KCNMA1: variants seen among roughly 807,000 people sequenced by gnomAD.
The protein encoded by KCNMA1 is potassium calcium-activated channel subfamily M alpha 1, also known as Calcium-activated potassium channel subunit alpha-1.
A neutral mutation model predicts 140.0 loss-of-function variants in KCNMA1; 29 were observed. The observed-to-expected ratio is 0.21, with a 90% CI of 0.15 to 0.28. The LOEUF (loss-of-function observed/expected upper bound fraction) is 0.28. Ranked by LOEUF, KCNMA1 falls within the 10% of genes least tolerant of loss-of-function variation. KCNMA1 has a pLI of 1.00. For missense variants in KCNMA1, 880 were observed against 1,602.2 expected (o/e 0.55, Z 7.70); for synonymous variants, 612 against 611.9 (o/e 1.00, Z 0.00).
At chr10:77,082,006 TC>T (rs1475263972) in intron 12 of KCNMA1, among the ~76,000 whole-genome samples, 1,348 of 30,528 alleles carry the variant, frequency 0.044, 221 homozygotes, top group Non-Finnish European at 0.055. Flanking sequence ...TTTTTTCTTT[TC>T]TTTTTTTTTT....
At chr10:76,934,200 A>G (rs2059948129) in intron 23 of KCNMA1, among the ~76,000 whole-genome samples, 1 of 152,102 alleles carries the variant, frequency 6.6e-6, no homozygotes, top group Non-Finnish European at 1.5e-5. Context: ...TCAAACTCCC[A>G]ACCTCAGGTG....
chr10:77,058,043 T>C lies in KCNMA1; in HGVS notation c.1749+15054A>G, dbSNP rs184805816. Among the ~76,000 whole-genome samples, 7 of 150,842 alleles carry C rather than the reference T, an allele frequency of 4.6e-5. No individual in the cohort carries two copies. The East Asian group carries it at 1.2e-3, about 25-fold the overall frequency. On this transcript the variant is annotated intron_variant, in intron 14 of 27. Coordinates refer to ENST00000286628, the MANE Select transcript of KCNMA1 (RefSeq NM_001161352.2). Reference sequence around the variant, plus strand: ...AGATCACTTAAGTTTTAAAGATAGGTTTGGTTCAAACAAAAAAGAGGAGAA... The same window carrying C: ...AGATCACTTAAGTTTTAAAGATAGGCTTGGTTCAAACAAAAAAGAGGAGAA...
chr10:77,021,856 T>G (rs1266302281), intron 16 of KCNMA1, among the ~76,000 whole-genome samples: 1 of 152,142 alleles, frequency 6.6e-6, no homozygotes, highest in African/African-American at 2.4e-5. Context: ...CTTGAAATAA[T>G]GAAAGAAAGA....
chr10:76,987,713 A>G (rs1294278176), intron 19 of KCNMA1, among the ~76,000 whole-genome samples: 1 of 152,242 alleles, frequency 6.6e-6, no homozygotes, highest in African/African-American at 2.4e-5. Flanking sequence ...AAATGTGTAA[A>G]GTAATGAGAA....
At chr10:77,460,531 GCACACACA>G (rs59284219) in intron 1 of KCNMA1, among the ~76,000 whole-genome samples, 122 of 147,918 alleles carry the variant, frequency 8.2e-4, no homozygotes, top group South Asian at 6.2e-3. Flanking sequence ...GTACACACGT[GCACACACA>G]CACACACACA....
chr10:76,961,973 C>A (rs756195600), intron 20 of KCNMA1, among the ~76,000 whole-genome samples: 1 of 152,202 alleles, frequency 6.6e-6, no homozygotes, highest in Non-Finnish European at 1.5e-5. Context: ...TGCAAAAGAT[C>A]TTTGTTTTGA....
In KCNMA1 at chr10:77,099,468, A is replaced by C. The variant is rs545762448; in HGVS notation, c.1224-8958T>G. 1.3e-4 allele frequency among the ~76,000 whole-genome samples: 20 copies of C among 152,332 alleles called. 2 individuals carry two copies. In the East Asian group the frequency reaches 3.9e-3, roughly 29 times the overall value. Reference sequence around the variant, plus strand: ...TGTTAGTCACACAGGGACTGGAAGGAGCTACAGGTTAGAAGGCTGGCGGAT... The same window carrying C: ...TGTTAGTCACACAGGGACTGGAAGGCGCTACAGGTTAGAAGGCTGGCGGAT... On this transcript the variant is annotated intron_variant, in intron 9 of 27. Coordinates refer to ENST00000286628, the MANE Select transcript of KCNMA1 (RefSeq NM_001161352.2).
At position 77,072,994 on chromosome 10, in the gene KCNMA1, G is replaced by A. The variant is rs377415676; in HGVS notation, c.1749+103C>T. On this transcript the variant is annotated intron_variant, in intron 14 of 27. Coordinates refer to ENST00000286628, the MANE Select transcript of KCNMA1 (RefSeq NM_001161352.2). The stretch of plus-strand genomic sequence containing the variant: ...AAGGAATTTCTCCTTAACCCAAGTG[G>A]TTAGAGCCCGTCGATCTGTTTTGAG... The A allele has an allele frequency of 1.6e-4, 177 of 1,117,464 alleles. No individual in the cohort carries two copies. The East Asian group carries it at 3.8e-3, about 24-fold the overall frequency. The allele number at this position is 1,117,464 out of a possible 1,614,324, so 69.2% of individuals were successfully genotyped here. A position where few individuals can be genotyped will look rare whatever the true frequency, so the allele number is the denominator to read the frequency against.
chr10:77,614,928 G>A (rs2088785888), intron 1 of KCNMA1, among the ~76,000 whole-genome samples: 1 of 152,204 alleles, frequency 6.6e-6, no homozygotes, highest in Admixed American at 6.5e-5. Context: ...AATGCCTGTG[G>A]CAGAATAAGC....
chr10:77,136,069 C>CGATTTATT, intron 5 of KCNMA1, among the ~76,000 whole-genome samples: 1 of 152,208 alleles, frequency 6.6e-6, no homozygotes, highest in African/African-American at 2.4e-5. Flanking sequence ...TCTTATAATT[C>CGATTTATT]CATTGTGGAA....
intron 9 of KCNMA1, chr10:77,091,321 T>G (rs931297260): frequency 2.0e-5 from 3 of 152,314 alleles, no homozygotes; most frequent in Non-Finnish European, 4.4e-5. Context: ...TGGTTTGGAC[T>G]TCTGTTTCTG....
chr10:77,401,905 C>T (rs891189349), intron 2 of KCNMA1, among the ~76,000 whole-genome samples: 4 of 152,166 alleles, frequency 2.6e-5, no homozygotes, highest in Non-Finnish European at 5.9e-5. Context: ...TCCATGCATT[C>T]CTTCAATAAC....
chr10:76,981,138 G>T (rs2079295228), intron 19 of KCNMA1, among the ~76,000 whole-genome samples: 1 of 152,060 alleles, frequency 6.6e-6, no homozygotes, highest in African/African-American at 2.4e-5. Context: ...GCCACATTTG[G>T]ACATGGTGTA....
At chr10:77,431,178 A>G (rs2097144239) in intron 1 of KCNMA1, among the ~76,000 whole-genome samples, 1 of 152,206 alleles carries the variant, frequency 6.6e-6, no homozygotes, top group Non-Finnish European at 1.5e-5. Context: ...CCAGTTTCCT[A>G]TCATTCTAGG....
intron 1 of KCNMA1, among the ~76,000 whole-genome samples, chr10:77,472,661 C>A (rs2098191214): frequency 6.6e-6 from 1 of 152,188 alleles, no homozygotes; most frequent in Admixed American, 6.5e-5. Flanking sequence ...TCTGATTTTC[C>A]CACATCTAAA....
At chr10:77,383,238 G>A (rs140537367) in intron 2 of KCNMA1, among the ~76,000 whole-genome samples, 5 of 151,742 alleles carry the variant, frequency 3.3e-5, no homozygotes, top group African/African-American at 9.7e-5. Flanking sequence ...GGCAGACCTC[G>A]ATTAGTCTGA....
At chr10:77,245,834 C>T (rs1314332642) in intron 3 of KCNMA1, among the ~76,000 whole-genome samples, 1 of 152,092 alleles carries the variant, frequency 6.6e-6, no homozygotes, top group Non-Finnish European at 1.5e-5. Context: ...ATCAGCTCTC[C>T]TTGTTTTTTG....
chr10:77,530,550 A>G (rs1184328378), intron 1 of KCNMA1, among the ~76,000 whole-genome samples: 1 of 152,224 alleles, frequency 6.6e-6, no homozygotes, highest in African/African-American at 2.4e-5. Flanking sequence ...TAGAGCAGAC[A>G]GCGTTGCCTG....
At chr10:77,276,404 T>C (rs573756718) in intron 2 of KCNMA1, among the ~76,000 whole-genome samples, 13 of 152,336 alleles carry the variant, frequency 8.5e-5, no homozygotes, top group Admixed American at 2.6e-4. Flanking sequence ...GCAAAGGGCA[T>C]ACTGCAGACA....
Sources: gnomAD v4.1 joint callset for allele counts (sites outside exome capture counted in the v4.1 genomes callset) on GRCh38, gnomAD v4.1.1 for gene constraint, MANE v1.5 for transcripts, NCBI Gene and HGNC (gene_info 2026-07-23, HGNC 2026-07-21) for gene names.